Variants in ZNF816 observed in about 807,000 individuals in gnomAD.
The protein encoded by ZNF816 is zinc finger protein 816, also known as zinc finger protein 816A.
In ZNF816, 11 loss-of-function variants were observed where a neutral mutation model predicts 8.3. The ratio of observed to expected loss-of-function variants is 1.32; its 90% CI spans 0.83 to 2.19. The LOEUF (loss-of-function observed/expected upper bound fraction) is 2.19, where lower values mean the gene tolerates loss of function less well. Among genes scored for constraint, ZNF816 ranks in the 30% most tolerant of loss-of-function variants. The probability of loss-of-function intolerance (pLI) is 0.00; values close to 1 mark genes in which losing one functional copy is unlikely to be tolerated. For missense variants in ZNF816, 710 were observed against 779.3 expected (o/e 0.91, Z 1.06); for synonymous variants, 255 against 254.5 (o/e 1.00, Z -0.02).
At position 52,950,041 on chromosome 19, in the gene ZNF816, T is replaced by C; in HGVS notation, c.1734A>G (p.Gly578=). 1 of 1,614,032 alleles carries C rather than the reference T, an allele frequency of 6.2e-7. No individual in the cohort carries two copies. Among genetic ancestry groups the C allele is most frequent in the South Asian group, 1.1e-5 (1 of 91,076 alleles). Residue 578 remains glycine, a synonymous_variant, in exon 4 of 4, where the codon GGA becomes GGG. Transcript: ENST00000444460. The part of the protein sequence containing the change: ...NKCAKVFNQK[G]ILAQHQRVHT... ...GAACTCTCTGATGTTGTGCAAGGAT[T>C]CCTTTTTGATTAAAAACCTTCGCAC... is the stretch of plus-strand genomic sequence containing the variant.
Position 52,950,159 on chromosome 19 carries a change from C to G in ZNF816, c.1616G>C (p.Cys539Ser). 6.2e-7 allele frequency: 1 copy of G among 1,613,950 alleles called. No homozygotes were observed. Among genetic ancestry groups the G allele is most frequent in the South Asian group, 1.1e-5 (1 of 91,060 alleles). ...RIHTGEKPYK[C>S]KVCDKAFRSD... ...CCGGAAAGCCTTGTCACAAACCTTA[C>G]ATTTGTATGGTTTTTCCCCAGTATG... The change falls in exon 4 of 4, where the codon TGT (cysteine) becomes TCT (serine). Residue 539 changes from cysteine to serine, a missense_variant. Transcript: ENST00000444460.
At chr19:52,952,108 C>T (rs144823774) in intron 3 of ZNF816, among the ~76,000 whole-genome samples, 14 of 152,126 alleles carry the variant, frequency 9.2e-5, no homozygotes, top group African/African-American at 1.7e-4. Context: ...TGGTGGCTCA[C>T]GCCTGTAATC....
intron 1 of ZNF816, among the ~76,000 whole-genome samples, chr19:52,960,690 C>T (rs113494900): frequency 4.9e-4 from 74 of 152,282 alleles, no homozygotes; most frequent in African/African-American, 1.7e-3. Context: ...AGGACTGGAA[C>T]GTAGCCCCTG....
In ZNF816 at chr19:52,952,998, T is replaced by C. The variant is rs992263491; in HGVS notation, c.64-121A>G. ...CCAAGACTGTGTTCTGACAAATTTA[T>C]GTTAAGGTATTTTTGAACAATTTTT... is the stretch of plus-strand genomic sequence containing the variant. On this transcript the variant is annotated intron_variant, in intron 2 of 3. Transcript: ENST00000444460. 6.9e-6 allele frequency: 10 copies of C among 1,448,738 alleles called. No individual in the cohort carries two copies. The Admixed American group carries it at 1.1e-4, about 15-fold the overall frequency. 89.7% of individuals were successfully genotyped at this position (1,448,738 alleles called of 1,614,324 possible). A position where few individuals can be genotyped will look rare whatever the true frequency, so the allele number is the denominator to read the frequency against.
chr19:52,956,243 A>C, intron 1 of ZNF816, 139 bp from the exon 2 acceptor site: 1 of 952,480 alleles, frequency 1.0e-6, no homozygotes, highest in Non-Finnish European at 1.5e-6. Context: ...CCATGCAGAG[A>C]TAAGAAAGTT....
At chr19:52,962,524 G>A (rs1344200938) in intron 1 of ZNF816, among the ~76,000 whole-genome samples, 1 of 152,140 alleles carries the variant, frequency 6.6e-6, no homozygotes, top group East Asian at 1.9e-4. Context: ...GCGAGGCTGG[G>A]AAGCGCTCTT....
chr19:52,951,620 GTACAGA>G, intron 3 of ZNF816, 36 bp from the exon 4 acceptor site: 1 of 1,480,452 alleles, frequency 6.8e-7, no homozygotes, highest in Non-Finnish European at 9.1e-7. Context: ...TTCCAATTAA[GTACAGA>G]TGGTAAATAA....
chr19:52,952,746 C>A lies in ZNF816; in HGVS notation c.190+5G>T. On this transcript the variant is annotated splice_donor_5th_base_variant and intron_variant, in intron 3 of 3. Coordinates refer to ENST00000444460, the MANE Select transcript of ZNF816 (RefSeq NM_001202457.3). Reference sequence around the variant, plus strand: ...TCCTCATGTCTGGAGGGACATTTTCCTCACCCACAAACTCCAGGTTCCTGT... The same window carrying A: ...TCCTCATGTCTGGAGGGACATTTTCATCACCCACAAACTCCAGGTTCCTGT... The A allele has an allele frequency of 6.2e-7, 1 of 1,613,706 alleles. No individual in the cohort carries two copies. The highest frequency in any genetic ancestry group is 8.5e-7 in the Non-Finnish European group (1 of 1,179,974).
intron 1 of ZNF816, among the ~76,000 whole-genome samples, chr19:52,959,704 G>T (rs7507133): frequency 0.44 from 66,921 of 151,962 alleles, 16,278 homozygotes; most frequent in African/African-American, 0.66. Context: ...AGGGCCTGTT[G>T]AACTCTGGAG....
intron 2 of ZNF816, among the ~76,000 whole-genome samples, chr19:52,955,730 G>C (rs2083504186): frequency 6.6e-6 from 1 of 152,120 alleles, no homozygotes; most frequent in Non-Finnish European, 1.5e-5. Flanking sequence ...TGTGGCCCCT[G>C]AACAATCCCT....
Position 52,949,699 on chromosome 19 carries a change from A to G in ZNF816, c.*120T>C. ...CAGTATGAGTTCACTGATGAACTAC[A>G]AGTTATGAATGACGTCTGAAAAATT... On this transcript the variant is annotated 3_prime_UTR_variant, in exon 4 of 4. Coordinates refer to ENST00000444460, the MANE Select transcript of ZNF816 (RefSeq NM_001202457.3). The G allele has an allele frequency of 1.4e-6, 2 of 1,467,082 alleles. No homozygotes were observed. Among genetic ancestry groups the G allele is most frequent in the South Asian group, 1.2e-5 (1 of 85,788 alleles). 90.9% of individuals were successfully genotyped at this position (1,467,082 alleles called of 1,614,324 possible). A position where few individuals can be genotyped will look rare whatever the true frequency, so the allele number is the denominator to read the frequency against.
intron 1 of ZNF816, among the ~76,000 whole-genome samples, chr19:52,961,843 G>C (rs1212949341): frequency 1.3e-5 from 2 of 152,198 alleles, no homozygotes; most frequent in Non-Finnish European, 2.9e-5. Flanking sequence ...GAGACCGATG[G>C]CCTCAGGAAG....
At chr19:52,953,603 A>G (rs2083483769) in intron 2 of ZNF816, among the ~76,000 whole-genome samples, 1 of 43,884 alleles carries the variant, frequency 2.3e-5, no homozygotes, top group African/African-American at 6.0e-4. Context: ...ATTATATATA[A>G]TATGTATTTA....
In ZNF816 at chr19:52,949,807, T is replaced by C; in HGVS notation, c.*12A>G. On this transcript the variant is annotated 3_prime_UTR_variant, in exon 4 of 4. Transcript: ENST00000444460. ...AATGGTTGTAGCATTACTGAAGACT[T>C]TGTGACAATCATTACATTTGTAAAG... The C allele has an allele frequency of 6.2e-7, 1 of 1,613,576 alleles. No homozygotes were observed.
chr19:52,950,752 G>A lies in ZNF816; in HGVS notation c.1023C>T (p.Tyr341=), dbSNP rs763816318. 8 of 1,613,682 alleles carry A rather than the reference G, an allele frequency of 5.0e-6. No homozygotes were observed. Among genetic ancestry groups the A allele is most frequent in the Non-Finnish European group, 6.8e-6 (8 of 1,180,030 alleles). The change falls in exon 4 of 4, where the codon TAC becomes TAT. Residue 341 remains tyrosine, a synonymous_variant. Transcript: ENST00000444460. ...AAGTCTTGCCACACTCATTACACTT[G>A]TAAGGTTTCTCTCCAGTATGAAGTC... ...HRRLHTGEKP[Y]KCNECGKTFG... is the part of the protein sequence containing the mutation.
intron 2 of ZNF816, chr19:52,953,279 G>A: frequency 3.4e-6 from 1 of 296,882 alleles, no homozygotes; most frequent in Non-Finnish European, 6.8e-6. Flanking sequence ...TCTAGTCCCA[G>A]CTACCTGGGA....
chr19:52,952,793 T>C lies in ZNF816; in HGVS notation c.148A>G (p.Arg50Gly). ...CLNPAQRALY[R>G]AVMLENYRNL... is the part of the protein sequence containing the mutation. Reference sequence around the variant, plus strand: ...CTGTAGTTCTCCAACATCACAGCCCTGTATAAAGCCCTCTGTGCAGGGTTC... The same window carrying C: ...CTGTAGTTCTCCAACATCACAGCCCCGTATAAAGCCCTCTGTGCAGGGTTC... The change falls in exon 3 of 4, where the codon AGG (arginine) becomes GGG (glycine). Residue 50 changes from arginine to glycine, a missense_variant. Physicochemically the swap from Arg to Gly is moderately radical, Grantham distance 125. Transcript: ENST00000444460. 6.2e-7 allele frequency: 1 copy of C among 1,613,998 alleles called. No individual in the cohort carries two copies.
In ZNF816 at chr19:52,949,958, G is replaced by T; in HGVS notation, c.1817C>A (p.Ala606Glu). 6.2e-7 allele frequency: 1 copy of T among 1,613,904 alleles called. No individual in the cohort carries two copies. Among genetic ancestry groups the T allele is most frequent in the Non-Finnish European group, 8.5e-7 (1 of 1,179,878 alleles). ...NECGKVFNQK[A>E]SLAKHQRVHT... ...AACTCTCTGATGTTTTGCAAGGCTT[G>T]CTTTTTGATTAAAAACCTTGCCACA... The change falls in exon 4 of 4, where the codon GCA becomes GAA. Residue 606 changes from alanine (A) to glutamate (E), a missense_variant. By Grantham distance (107) the Ala-to-Glu change is moderately radical (BLOSUM62 -1). Coordinates refer to ENST00000444460, the MANE Select transcript of ZNF816 (RefSeq NM_001202457.3).
At position 52,952,625 on chromosome 19, in the gene ZNF816, G is replaced by A. The variant is rs151033143; in HGVS notation, c.190+126C>T. 1.4e-4 allele frequency: 213 copies of A among 1,539,810 alleles called. 3 individuals are homozygous for A. In the East Asian group the frequency reaches 3.6e-3, roughly 26 times the overall value. ...CATGACAGATAGGAGGGTCATCACC[G>A]CAGAAAACAATGACATGTACATCAA... is the stretch of plus-strand genomic sequence containing the variant. On this transcript the variant is annotated intron_variant, in intron 3 of 3. Coordinates refer to ENST00000444460, the MANE Select transcript of ZNF816 (RefSeq NM_001202457.3).
Sources: allele counts gnomAD v4.1 joint callset (sites outside exome capture counted in the v4.1 genomes callset), GRCh38; gene constraint gnomAD v4.1.1; transcripts MANE v1.5; gene names NCBI Gene and HGNC (gene_info 2026-07-23, HGNC 2026-07-21).